PRIM2: variants seen among roughly 807,000 people sequenced by gnomAD.
PRIM2 encodes DNA primase large subunit.
PRIM2 carries 39 observed loss-of-function variants against 67.3 expected under a neutral mutation model. That is an observed-to-expected ratio of 0.58 (90% confidence interval 0.45 to 0.76). The LOEUF is 0.76. Ranked by LOEUF, PRIM2 falls within the 30% of genes least tolerant of loss-of-function variation. The pLI is 0.00. For synonymous variants in PRIM2, 143 were observed against 198.7 expected (o/e 0.72, Z 2.36); for missense variants, 398 against 598.7 (o/e 0.66, Z 3.50).
At chr6:57,260,917 C>T in the PRIM2 span, among the ~76,000 whole-genome samples, 50 of 152,206 alleles carry the variant, frequency 3.3e-4, no homozygotes, top group African/African-American at 1.1e-3. Context: ...TCATGATCTC[C>T]AGGGGTATGA....
chr6:57,336,671 T>C (rs1198983803), intron 5 of PRIM2, among the ~76,000 whole-genome samples: 1 of 151,836 alleles, frequency 6.6e-6, no homozygotes, highest in Non-Finnish European at 1.5e-5. Flanking sequence ...AGAGATTTTG[T>C]CAACACCAGG....
At chr6:57,629,170 CAGA>C (rs1364042127) in intron 12 of PRIM2, among the ~76,000 whole-genome samples, 1 of 152,134 alleles carries the variant, frequency 6.6e-6, no homozygotes, top group East Asian at 1.9e-4. Context: ...AAACAAAGTG[CAGA>C]AGAAGTCTCA....
At chr6:57,331,238 C>T (rs1038278809) in intron 5 of PRIM2, among the ~76,000 whole-genome samples, 1 of 150,860 alleles carries the variant, frequency 6.6e-6, no homozygotes, top group Non-Finnish European at 1.5e-5. Flanking sequence ...TTGGATGTTA[C>T]ACCAACCTTG....
At chr6:57,345,995 T>C (rs1768663349) in intron 5 of PRIM2, among the ~76,000 whole-genome samples, 1 of 152,220 alleles carries the variant, frequency 6.6e-6, no homozygotes, top group East Asian at 1.9e-4. Context: ...ATAATTAGCA[T>C]ATAGTGAGCA....
At chr6:57,324,922 T>C (rs1767794987) in intron 4 of PRIM2, among the ~76,000 whole-genome samples, 1 of 152,148 alleles carries the variant, frequency 6.6e-6, no homozygotes, top group Non-Finnish European at 1.5e-5. Context: ...TCTAGAGTTT[T>C]TCTTCTGTAA....
At chr6:57,350,860 CT>C (rs1175970786) in intron 5 of PRIM2, among the ~76,000 whole-genome samples, 1 of 151,932 alleles carries the variant, frequency 6.6e-6, no homozygotes, top group Non-Finnish European at 1.5e-5. Flanking sequence ...ATACCATCTC[CT>C]TTTTTTATTT....
chr6:57,324,474 A>G (rs1767775620), intron 4 of PRIM2, among the ~76,000 whole-genome samples, 194 bp downstream of exon 4: 1 of 152,210 alleles, frequency 6.6e-6, no homozygotes. Flanking sequence ...AAAAAATTCT[A>G]TCGCAGAATT....
At chr6:57,317,609 G>C (rs897334133), upstream of PRIM2, 61 of 152,724 alleles carry the variant, frequency 4.0e-4, no homozygotes, top group African/African-American at 1.4e-3. Flanking sequence ...TTCTGTGCTA[G>C]TCACTTCCTC....
chr6:57,422,158 C>CTTTTTTTTTT (rs575958629), intron 7 of PRIM2, among the ~76,000 whole-genome samples: 7 of 103,326 alleles, frequency 6.8e-5, no homozygotes, highest in Non-Finnish European at 9.7e-5. Flanking sequence ...TCTTTTCTTT[C>CTTTTTTTTTT]TTTTTTTTTT....
intron 7 of PRIM2, among the ~76,000 whole-genome samples, chr6:57,500,206 G>T (rs1466951851): frequency 6.6e-6 from 1 of 151,916 alleles, no homozygotes; most frequent in African/African-American, 2.4e-5. Flanking sequence ...CCATAATTTG[G>T]CTCTTCATCT....
At chr6:57,486,954 A>G (rs1268626791) in intron 7 of PRIM2, among the ~76,000 whole-genome samples, 2 of 152,194 alleles carry the variant, frequency 1.3e-5, no homozygotes, top group Non-Finnish European at 2.9e-5. Flanking sequence ...TGTTTTTCAT[A>G]TTCAGAAAAT....
At chr6:57,547,230 C>CT (rs1775307272) in intron 10 of PRIM2, among the ~76,000 whole-genome samples, 1 of 151,914 alleles carries the variant, frequency 6.6e-6, no homozygotes, top group Admixed American at 6.6e-5. Context: ...TAAAATCAAA[C>CT]CTTTATTTAT....
chr6:57,493,547 A>G (rs1385910500), intron 7 of PRIM2, among the ~76,000 whole-genome samples: 1 of 152,230 alleles, frequency 6.6e-6, no homozygotes, highest in African/African-American at 2.4e-5. Flanking sequence ...TAAATCAGGC[A>G]CAAATAGCAG....
the PRIM2 span, among the ~76,000 whole-genome samples, chr6:57,263,133 T>G: frequency 3.0e-4 from 46 of 152,310 alleles, no homozygotes; most frequent in African/African-American, 1.1e-3. Flanking sequence ...TTTCCTACCA[T>G]TTAGATAGTA....
At chr6:57,529,341 G>A (rs1335905226) in intron 8 of PRIM2, among the ~76,000 whole-genome samples, 3 of 151,862 alleles carry the variant, frequency 2.0e-5, no homozygotes, top group Admixed American at 1.3e-4. Flanking sequence ...AACCAAGAAC[G>A]TGTCTTCATA....
the PRIM2 span, among the ~76,000 whole-genome samples, chr6:57,234,390 C>T: frequency 1.3e-5 from 2 of 152,152 alleles, no homozygotes; most frequent in Non-Finnish European, 1.5e-5. Context: ...TGTTGGTATT[C>T]TCCAGCGTGT....
chr6:57,573,574 A>G (rs1775901594), intron 10 of PRIM2, among the ~76,000 whole-genome samples: 1 of 152,160 alleles, frequency 6.6e-6, no homozygotes, highest in South Asian at 2.1e-4. Flanking sequence ...GAAATTGTAT[A>G]TAGCAGTATG....
chr6:57,286,290 G>C, the PRIM2 span, among the ~76,000 whole-genome samples: 4 of 152,046 alleles, frequency 2.6e-5, no homozygotes, highest in African/African-American at 4.8e-5. Context: ...AAAAGAGCCC[G>C]TATAGCCAAG....
chr6:57,427,374 A>G (rs1461835600), intron 7 of PRIM2, among the ~76,000 whole-genome samples: 1 of 152,156 alleles, frequency 6.6e-6, no homozygotes, highest in African/African-American at 2.4e-5. Flanking sequence ...GCTGGAGTGC[A>G]GTGGCCCGAT....
Sources: allele counts gnomAD v4.1 joint callset (sites outside exome capture counted in the v4.1 genomes callset), GRCh38; gene constraint gnomAD v4.1.1; transcripts MANE v1.5; gene names NCBI Gene and HGNC (gene_info 2026-07-23, HGNC 2026-07-21).